Variants in CSE1L observed in about 807,000 individuals in gnomAD.
CSE1L encodes the protein chromosome segregation 1 like.
In CSE1L, 24 loss-of-function variants were observed where a neutral mutation model predicts 120.4. That is an observed-to-expected ratio of 0.20 (90% confidence interval 0.14 to 0.28). The LOEUF is 0.28. Among genes scored for constraint, CSE1L ranks in the 10% least tolerant of loss-of-function variants. CSE1L has a pLI of 1.00. For missense variants in CSE1L, 830 were observed against 1,145.2 expected (o/e 0.72, Z 3.97); for synonymous variants, 402 against 398.3 (o/e 1.01, Z -0.11).
Position 49,077,022 on chromosome 20 carries a change from T to G in CSE1L, c.1378T>G (p.Phe460Val). The G allele has an allele frequency of 6.2e-7, 1 of 1,607,020 alleles. No individual in the cohort carries two copies. Among genetic ancestry groups the G allele is most frequent in the Non-Finnish European group, 8.5e-7 (1 of 1,177,812 alleles). The change falls in exon 13 of 25, where the codon TTC (phenylalanine) becomes GTC (valine). Residue 460 changes from phenylalanine to valine, a missense_variant. Physicochemically the swap from Phe to Val is conservative, Grantham distance 50. This residue lies in a region of CSE1L where 543 missense variants were observed against 640.2 expected (regional missense o/e 0.85). Transcript: ENST00000262982. ...AAATGAACTTGTAAACCTAACTGAG[T>G]TCTTTGTGAATCACATCCTCCCTGA... ...QANELVNLTE[F>V]FVNHILPDLK...
Position 49,066,443 on chromosome 20 carries a change from C to T in CSE1L, c.409C>T (p.Arg137Cys), listed in dbSNP as rs750936938. The T allele has an allele frequency of 5.6e-6, 9 of 1,614,112 alleles. No homozygotes were observed. The highest frequency in any genetic ancestry group is 1.7e-4 in the Middle Eastern group (1 of 6,060). Residue 137 changes from arginine (R) to cysteine (C), a missense_variant, in exon 5 of 25, where the codon CGC becomes TGC. This residue lies in a region of CSE1L where 543 missense variants were observed against 640.2 expected (regional missense o/e 0.85). Coordinates refer to ENST00000262982, the MANE Select transcript of CSE1L (RefSeq NM_001316.4). ...TGACTTGCTGACAGAAATGGTGAAT[C>T]GCTTTCAGAGTGGAGATTTCCATGT... ...WPDLLTEMVN[R>C]FQSGDFHVIN...
chr20:49,075,935 G>A (rs529175885), intron 12 of CSE1L, among the ~76,000 whole-genome samples: 8 of 152,098 alleles, frequency 5.3e-5, no homozygotes, highest in South Asian at 2.1e-4. Context: ...GAGTTCGAGC[G>A]ACTCTCCTGC....
At chr20:49,064,931 G>A (rs1348235864) in intron 3 of CSE1L, among the ~76,000 whole-genome samples, 2 of 151,478 alleles carry the variant, frequency 1.3e-5, no homozygotes, top group Non-Finnish European at 2.9e-5. Flanking sequence ...CAGATGGGAG[G>A]ATTGCTTGAG....
chr20:49,094,620 C>G (rs2092125902), intron 23 of CSE1L, 112 bp from the exon 24 acceptor site: 1 of 722,276 alleles, frequency 1.4e-6, no homozygotes, highest in Admixed American at 2.7e-5. Context: ...CAAAGGTCCC[C>G]TTTTATTCTT....
Position 49,072,682 on chromosome 20 carries a change from A to G in CSE1L, c.1051A>G (p.Asn351Asp). The change falls in exon 10 of 25, where the codon AAC becomes GAC. Residue 351 changes from asparagine to aspartate, a missense_variant. Coordinates refer to ENST00000262982, the MANE Select transcript of CSE1L (RefSeq NM_001316.4). The stretch of plus-strand genomic sequence containing the variant: ...TATCTGTGAAAAGGTTATTGTGCCT[A>G]ACATGGAATTTAGAGGTAATTATGG... The part of the protein sequence containing the change: ...TSICEKVIVP[N>D]MEFRAADEEA... 6.2e-7 allele frequency: 1 copy of G among 1,609,224 alleles called. No individual in the cohort carries two copies. The highest frequency in any genetic ancestry group is 8.5e-7 in the Non-Finnish European group (1 of 1,178,808).
At chr20:49,057,540 G>A (rs1038720495) in intron 1 of CSE1L, among the ~76,000 whole-genome samples, 1 of 145,002 alleles carries the variant, frequency 6.9e-6, no homozygotes, top group African/African-American at 2.6e-5. Context: ...TGCAACCTCT[G>A]CCCCCAGGCT....
chr20:49,072,491 C>T (rs757350587), intron 9 of CSE1L, 38 bp downstream of exon 9: 1 of 1,606,914 alleles, frequency 6.2e-7, no homozygotes, highest in South Asian at 1.1e-5. Flanking sequence ...AAAAGACATT[C>T]TCTCCCTATC....
chr20:49,088,881 AT>A (rs2092079987), intron 17 of CSE1L, among the ~76,000 whole-genome samples: 1 of 152,220 alleles, frequency 6.6e-6, no homozygotes, highest in African/African-American at 2.4e-5. Context: ...TAAAAAGAAC[AT>A]AAAAAACTAC....
chr20:49,049,514 T>G (rs1245175604), intron 1 of CSE1L, among the ~76,000 whole-genome samples: 1 of 152,186 alleles, frequency 6.6e-6, no homozygotes, highest in Non-Finnish European at 1.5e-5. Flanking sequence ...TTGAGTCATT[T>G]TTAGATCAGT....
intron 10 of CSE1L, 127 bp from the exon 11 acceptor site, chr20:49,074,658 A>G: frequency 1.6e-6 from 1 of 612,582 alleles, no homozygotes. Flanking sequence ...TATATGAAGT[A>G]GTCATCTGAT....
chr20:49,056,494 A>C (rs1317938767), intron 1 of CSE1L, among the ~76,000 whole-genome samples: 6 of 152,220 alleles, frequency 3.9e-5, no homozygotes, highest in Admixed American at 3.9e-4. Context: ...ATTTATGTAG[A>C]TTATGCATGT....
At chr20:49,070,869 G>A (rs1219329278) in intron 8 of CSE1L, among the ~76,000 whole-genome samples, 1 of 152,232 alleles carries the variant, frequency 6.6e-6, no homozygotes, top group East Asian at 1.9e-4. Flanking sequence ...TTGAGCCCAG[G>A]AGGGCAAGGC....
Position 49,092,623 on chromosome 20 carries a change from C to T in CSE1L, c.2447+496C>T, listed in dbSNP as rs570126348. ...ACAATGAGAACACTTGGACACAGGG[C>T]GGGGAACATCACACTCTGGGGCCTG... On this transcript the variant is annotated intron_variant, in intron 22 of 24. Coordinates refer to ENST00000262982, the MANE Select transcript of CSE1L (RefSeq NM_001316.4). Among the ~76,000 whole-genome samples, 13 of 148,804 alleles carry T rather than the reference C, an allele frequency of 8.7e-5. No homozygotes were observed. The South Asian group carries it at 2.4e-3, about 28-fold the overall frequency.
At chr20:49,087,968 A>G in intron 16 of CSE1L, 41 bp from the exon 17 acceptor site, 2 of 1,358,190 alleles carry the variant, frequency 1.5e-6, no homozygotes. Flanking sequence ...TCTGAAGTTT[A>G]ACTAAACTCT....
chr20:49,076,670 C>A (rs1215311777), intron 12 of CSE1L, among the ~76,000 whole-genome samples: 1 of 151,820 alleles, frequency 6.6e-6, no homozygotes, highest in Non-Finnish European at 1.5e-5. Flanking sequence ...GCTAGAATTA[C>A]AGGTGCATGC....
chr20:49,089,446 G>A (rs2092084455), intron 18 of CSE1L, 49 bp downstream of exon 18: 4 of 1,605,300 alleles, frequency 2.5e-6, no homozygotes, highest in Non-Finnish European at 2.6e-6. Flanking sequence ...AATTAACATG[G>A]CTATAAAATG....
At chr20:49,081,175 G>C (rs781047502) in intron 14 of CSE1L, among the ~76,000 whole-genome samples, 1 of 151,868 alleles carries the variant, frequency 6.6e-6, no homozygotes, top group African/African-American at 2.4e-5. Flanking sequence ...GAAGAGACAG[G>C]GTTTCACCAT....
chr20:49,079,110 C>G (rs574985518), intron 14 of CSE1L, among the ~76,000 whole-genome samples: 45 of 152,320 alleles, frequency 3.0e-4, no homozygotes, highest in Non-Finnish European at 5.4e-4. Flanking sequence ...CCAGGCTGGT[C>G]TCAAACTCCT....
intron 14 of CSE1L, among the ~76,000 whole-genome samples, chr20:49,082,624 A>G (rs1188219919): frequency 2.0e-5 from 3 of 152,076 alleles, no homozygotes; most frequent in Non-Finnish European, 2.9e-5. Context: ...GGTTCATGCC[A>G]TTCTCCTGCC....
Sources: allele counts gnomAD v4.1 joint callset (sites outside exome capture counted in the v4.1 genomes callset), GRCh38; gene constraint gnomAD v4.1.1; regional missense constraint gnomAD v4.1.1; transcripts MANE v1.5; gene names NCBI Gene and HGNC (gene_info 2026-07-23, HGNC 2026-07-21).